The following LOC400499 variants were observed in gnomAD, a reference collection of about 807,000 sequenced individuals.
chr16:11,485,306 C>G, the LOC400499 span, among the ~76,000 whole-genome samples: 1 of 152,082 alleles, frequency 6.6e-6, no homozygotes, highest in Non-Finnish European at 1.5e-5. Context: ...TTCTTTAAGG[C>G]TTGGTTCAAA....
the LOC400499 span, chr16:11,385,456 G>A: frequency 1.7e-6 from 2 of 1,209,760 alleles, no homozygotes; most frequent in East Asian, 6.3e-5. Context: ...AGCGGGGCCA[G>A]CTCCACCCAC....
the LOC400499 span, among the ~76,000 whole-genome samples, chr16:11,459,404 G>C: frequency 1.3e-5 from 2 of 151,828 alleles, no homozygotes; most frequent in Non-Finnish European, 2.9e-5. Flanking sequence ...CGCCGTGTTA[G>C]CCAGGATGGT....
chr16:11,515,780 AG>A, the LOC400499 span: 1 of 401,648 alleles, frequency 2.5e-6, no homozygotes. Flanking sequence ...GAGGAGGAGG[AG>A]GAAAAGGGAG....
At chr16:11,417,295 T>C in the LOC400499 span, among the ~76,000 whole-genome samples, 1 of 152,168 alleles carries the variant, frequency 6.6e-6, no homozygotes, top group African/African-American at 2.4e-5. Context: ...GTTGCAATCA[T>C]AGCTCATTGC....
the LOC400499 span, among the ~76,000 whole-genome samples, chr16:11,383,266 A>G: frequency 1.3e-5 from 2 of 152,018 alleles, no homozygotes; most frequent in African/African-American, 4.8e-5. Flanking sequence ...ACGGGGTTTC[A>G]CCGTGTTAGC....
At chr16:11,395,859 C>G in the LOC400499 span, among the ~76,000 whole-genome samples, 272 of 152,198 alleles carry the variant, frequency 1.8e-3, no homozygotes, top group African/African-American at 6.1e-3. Flanking sequence ...ATCCAGACTC[C>G]CAAAAACCAC....
At chr16:11,521,641 T>G in the LOC400499 span, among the ~76,000 whole-genome samples, 2 of 152,134 alleles carry the variant, frequency 1.3e-5, no homozygotes, top group Non-Finnish European at 2.9e-5. Context: ...TGGCTCTCAG[T>G]CCACCCCTAG....
the LOC400499 span, chr16:11,442,613 G>T: frequency 1.3e-5 from 2 of 152,294 alleles, no homozygotes; most frequent in East Asian, 3.9e-4. Context: ...TGTCAGCTGG[G>T]ATTTGAGGCT....
chr16:11,386,501 G>C, the LOC400499 span, among the ~76,000 whole-genome samples: 24 of 152,256 alleles, frequency 1.6e-4, no homozygotes, highest in African/African-American at 5.1e-4. Flanking sequence ...CTGGGTGTGA[G>C]TCCCACACAC....
the LOC400499 span, among the ~76,000 whole-genome samples, chr16:11,459,176 T>C: frequency 6.7e-6 from 1 of 148,616 alleles, no homozygotes; most frequent in East Asian, 2.0e-4. Flanking sequence ...AGGGAAAAAA[T>C]ATCCTAAACC....
the LOC400499 span, chr16:11,383,885 C>T: frequency 4.9e-6 from 6 of 1,232,180 alleles, no homozygotes; most frequent in African/African-American, 9.3e-5. Flanking sequence ...CTCACACTCA[C>T]CACCCGGAAG....
At chr16:11,386,961 T>A in the LOC400499 span, 1 of 528,966 alleles carries the variant, frequency 1.9e-6, no homozygotes, top group Non-Finnish European at 2.9e-6. Context: ...GCAGGATGTG[T>A]ACCCTCAGCC....
chr16:11,417,529 C>T, the LOC400499 span: 4,587 of 398,032 alleles, frequency 0.012, 35 homozygotes, highest in Non-Finnish European at 0.014. Flanking sequence ...CCACACTGGA[C>T]TTGACAGGAG....
chr16:11,522,039 C>G, the LOC400499 span: 3 of 399,100 alleles, frequency 7.5e-6, no homozygotes, highest in East Asian at 1.1e-4. Flanking sequence ...GGACGTCCTG[C>G]AGGCTGGTGC....
the LOC400499 span, among the ~76,000 whole-genome samples, chr16:11,417,445 G>A: frequency 3.3e-5 from 5 of 151,276 alleles, no homozygotes; most frequent in Admixed American, 3.3e-4. Flanking sequence ...GGAAGTCCTA[G>A]AAAACTAATC....
chr16:11,447,760 TG>T, the LOC400499 span, among the ~76,000 whole-genome samples: 4 of 152,172 alleles, frequency 2.6e-5, 1 homozygote, highest in East Asian at 7.7e-4. Flanking sequence ...GCGAGGGATG[TG>T]GGAGCTTTCA....
chr16:11,399,453 G>T, the LOC400499 span: 1 of 402,164 alleles, frequency 2.5e-6, no homozygotes, highest in African/African-American at 2.0e-5. Flanking sequence ...CTGCCCAGAC[G>T]CTGCTCCCCT....
the LOC400499 span, among the ~76,000 whole-genome samples, chr16:11,437,550 C>A: frequency 6.6e-6 from 1 of 152,130 alleles, no homozygotes; most frequent in Non-Finnish European, 1.5e-5. Flanking sequence ...CAGAGTAAGA[C>A]CCTGTCTTAA....
At chr16:11,442,743 G>T in the LOC400499 span, among the ~76,000 whole-genome samples, 1 of 152,168 alleles carries the variant, frequency 6.6e-6, no homozygotes, top group Non-Finnish European at 1.5e-5. Flanking sequence ...ATGCTAAGCA[G>T]ACCAAACAAA....
Sources: gnomAD v4.1 joint callset for allele counts (sites outside exome capture counted in the v4.1 genomes callset) on GRCh38, gnomAD v4.1.1 for gene constraint, MANE v1.5 for transcripts.